HS1BP3: variants seen among roughly 807,000 people sequenced by gnomAD.
HS1BP3 encodes HCLS1-binding protein 3.
Under a neutral mutation model 33.5 loss-of-function variants are expected in HS1BP3, and 32 were observed. That is an observed-to-expected ratio of 0.95 (90% CI 0.72 to 1.28). The LOEUF is 1.28. Among genes scored for constraint, HS1BP3 ranks in the 50% most tolerant of loss-of-function variants. HS1BP3 has a pLI of 0.00. For synonymous variants in HS1BP3, 187 were observed against 209.2 expected (o/e 0.89, Z 0.92); for missense variants, 486 against 502.3 (o/e 0.97, Z 0.31).
In HS1BP3 at chr2:20,618,791, G is replaced by A. The variant is rs11680700; in HGVS notation, c.*196C>T. 44 of 1,392,258 alleles carry A rather than the reference G, an allele frequency of 3.2e-5. No homozygotes were observed. The highest frequency in any genetic ancestry group is 2.9e-5 in the Non-Finnish European group (31 of 1,078,040). 86.2% of individuals were successfully genotyped at this position (1,392,258 alleles called of 1,614,324 possible). A position where few individuals can be genotyped will look rare whatever the true frequency, so the allele number is the denominator to read the frequency against. On this transcript the variant is annotated 3_prime_UTR_variant, in exon 7 of 7. Coordinates refer to ENST00000304031, the MANE Select transcript of HS1BP3 (RefSeq NM_022460.4). ...GGCTCCTAGGGTGAGAGCCGCTCCC[G>A]CAGCCCGCAGGCTTCTACTTTGGCC...
chr2:20,608,621 T>C (rs1343783311), intron 2 of HS1BP3, among the ~76,000 whole-genome samples: 1 of 150,628 alleles, frequency 6.6e-6, no homozygotes, highest in East Asian at 2.0e-4. Context: ...GGGCATCCTG[T>C]CTTGTTCCTG....
intron 2 of HS1BP3, among the ~76,000 whole-genome samples, chr2:20,644,396 C>G (rs745701433): frequency 4.6e-4 from 70 of 152,206 alleles, no homozygotes; most frequent in Non-Finnish European, 6.3e-4. Context: ...ACTTGATCCA[C>G]TCCCAGATTT....
At chr2:20,571,240 A>G (rs1322683178) in intron 5 of HS1BP3, among the ~76,000 whole-genome samples, 1 of 152,164 alleles carries the variant, frequency 6.6e-6, no homozygotes, top group Non-Finnish European at 1.5e-5. Context: ...CCATTCTGTC[A>G]GGCCTTTCCC....
Position 20,638,202 on chromosome 2 carries a change from G to A in HS1BP3, c.623+234C>T, listed in dbSNP as rs1695212605. ...CGGAGCCACAAGTGGAGGACATCCT[G>A]TGACCCGAGAAGGGAGGCGACACCT... On this transcript the variant is annotated intron_variant, in intron 4 of 6. Coordinates refer to ENST00000304031, the MANE Select transcript of HS1BP3 (RefSeq NM_022460.4). 6.7e-6 allele frequency: 4 copies of A among 594,626 alleles called. No homozygotes were observed. The South Asian group carries it at 8.4e-5, about 12-fold the overall frequency. 36.8% of individuals were successfully genotyped at this position (594,626 alleles called of 1,614,324 possible).
At chr2:20,600,925 G>A (rs1453937750) in intron 2 of HS1BP3, among the ~76,000 whole-genome samples, 2 of 152,150 alleles carry the variant, frequency 1.3e-5, no homozygotes, top group Admixed American at 1.3e-4. Flanking sequence ...TCCCTCTGGA[G>A]TCAAACTTCA....
intron 2 of HS1BP3, among the ~76,000 whole-genome samples, chr2:20,602,231 C>T (rs902373859): frequency 6.6e-6 from 1 of 151,636 alleles, no homozygotes; most frequent in African/African-American, 2.4e-5. Flanking sequence ...GAATTTATTT[C>T]TGGCCTCTGT....
intron 4 of HS1BP3, chr2:20,636,806 C>A (rs1326850957): frequency 6.6e-6 from 1 of 152,236 alleles, no homozygotes; most frequent in South Asian, 2.1e-4. Flanking sequence ...ATCATGCAAG[C>A]AAATGCTAAC....
chr2:20,634,509 C>T (rs886124824), intron 4 of HS1BP3, among the ~76,000 whole-genome samples: 6 of 152,176 alleles, frequency 3.9e-5, no homozygotes, highest in Admixed American at 6.5e-5. Flanking sequence ...GCGCAGTGGT[C>T]GGGATATTTA....
At chr2:20,646,958 C>T (rs183363074) in intron 1 of HS1BP3, among the ~76,000 whole-genome samples, 16 of 152,340 alleles carry the variant, frequency 1.1e-4, no homozygotes, top group Admixed American at 5.2e-4. Flanking sequence ...GGTGGAGCTG[C>T]GTTCAATCCC....
chr2:20,649,694 T>G lies in HS1BP3; in HGVS notation c.32+1338A>C, dbSNP rs538151837. On this transcript the variant is annotated intron_variant, in intron 1 of 6. Transcript: ENST00000304031. ...CTGGAAAGAGGAGCTGGGGTGCGAC[T>G]GGGAAGGGCCGGCCTTGCTGCTGGG... is the stretch of plus-strand genomic sequence containing the variant. 2.6e-5 allele frequency among the ~76,000 whole-genome samples: 4 copies of G among 152,298 alleles called. No homozygotes were observed. The East Asian group carries it at 7.7e-4, about 29-fold the overall frequency.
chr2:20,629,562 C>T (rs968565028), intron 4 of HS1BP3, among the ~76,000 whole-genome samples: 1 of 152,220 alleles, frequency 6.6e-6, no homozygotes, highest in Non-Finnish European at 1.5e-5. Flanking sequence ...AACTGCAGCT[C>T]CTGGCTTCCT....
At chr2:20,563,052 A>C (rs942013607) in intron 5 of HS1BP3, among the ~76,000 whole-genome samples, 21 of 152,198 alleles carry the variant, frequency 1.4e-4, no homozygotes, top group Non-Finnish European at 2.8e-4. Context: ...ACAGCCCAGG[A>C]GGCTCCGACC....
At position 20,641,073 on chromosome 2, in the gene HS1BP3, C is replaced by T. The variant is rs1445694023; in HGVS notation, c.306G>A (p.Glu102=). The part of the protein sequence containing the change: ...PLPRKVLFVG[E]SDIRERRAVF... ...CGGCTCTCCTCTCCCGGATGTCAGA[C>T]TCCCCAACAAACAGGACCTTCCTGG... is the stretch of plus-strand genomic sequence containing the variant. The change falls in exon 3 of 7, where the codon GAG becomes GAA. Residue 102 remains glutamate, a synonymous_variant. Transcript: ENST00000304031. 1 of 1,614,110 alleles carries T rather than the reference C, an allele frequency of 6.2e-7. No homozygotes were observed. Among genetic ancestry groups the T allele is most frequent in the South Asian group, 1.1e-5 (1 of 91,090 alleles).
At chr2:20,575,751 C>T (rs914786813) in intron 5 of HS1BP3, among the ~76,000 whole-genome samples, 1 of 42,674 alleles carries the variant, frequency 2.3e-5, no homozygotes, top group African/African-American at 5.5e-5. Context: ...CCTCTGTCTC[C>T]TTGGTTCCAC....
intron 5 of HS1BP3, among the ~76,000 whole-genome samples, chr2:20,566,992 T>C (rs1057434953): frequency 1.3e-5 from 2 of 152,146 alleles, no homozygotes; most frequent in African/African-American, 4.8e-5. Flanking sequence ...ATTGAGTTTC[T>C]CCTACTCTGT....
intron 5 of HS1BP3, among the ~76,000 whole-genome samples, chr2:20,564,440 T>C (rs1458195164): frequency 6.6e-6 from 1 of 152,228 alleles, no homozygotes; most frequent in African/African-American, 2.4e-5. Context: ...TGTCACTTTA[T>C]TCTTTTTCTA....
intron 5 of HS1BP3, among the ~76,000 whole-genome samples, chr2:20,583,716 G>A (rs775125685): frequency 2.6e-5 from 4 of 152,304 alleles, no homozygotes; most frequent in Non-Finnish European, 4.4e-5. Flanking sequence ...AGTAGAGGAA[G>A]GGTATTCAGA....
downstream of HS1BP3, among the ~76,000 whole-genome samples, chr2:20,613,040 A>G (rs1026228958): frequency 6.6e-6 from 1 of 152,176 alleles, no homozygotes; most frequent in Non-Finnish European, 1.5e-5. Context: ...AAATGAAGCC[A>G]TCTGGGGATG....
intron 2 of HS1BP3, chr2:20,606,430 C>G (rs1202753974): frequency 2.1e-6 from 1 of 476,656 alleles, no homozygotes; most frequent in Non-Finnish European, 4.2e-6. Context: ...TCTTCAGTCT[C>G]TCAGACACCA....
Sources: allele counts gnomAD v4.1 joint callset (sites outside exome capture counted in the v4.1 genomes callset), GRCh38; gene constraint gnomAD v4.1.1; transcripts MANE v1.5; gene names NCBI Gene and HGNC (gene_info 2026-07-23, HGNC 2026-07-21).